Variants in ZC4H2 observed in about 807,000 individuals in gnomAD.
ZC4H2 encodes the protein zinc finger C4H2 domain-containing protein.
For synonymous variants in ZC4H2, 84 were observed against 66.3 expected, an observed-to-expected ratio of 1.27 and a Z score of -1.30; for missense variants, 137 against 173.9, an observed-to-expected ratio of 0.79 and a Z score of 1.19.
chrX:65,030,543 ATTAT>A (rs1427349540), intron 1 of ZC4H2, among the ~76,000 whole-genome samples: 1 of 112,166 alleles, frequency 8.9e-6, no homozygotes, highest in Non-Finnish European at 1.9e-5. Context: ...ATTTATGTAA[ATTAT>A]TTATTAACTT....
At chrX:64,926,927 C>T (rs1349635877) in intron 1 of ZC4H2, among the ~76,000 whole-genome samples, 1 of 111,127 alleles carries the variant, frequency 9.0e-6, no homozygotes, top group Non-Finnish European at 1.9e-5. Context: ...AGGACCAATC[C>T]CCTATATACA....
intron 1 of ZC4H2, among the ~76,000 whole-genome samples, chrX:64,947,104 T>C (rs1930570804): frequency 1.8e-5 from 2 of 112,385 alleles, no homozygotes; most frequent in African/African-American, 6.5e-5. Flanking sequence ...ATCATTCAGA[T>C]ATATGTTGTT....
At chrX:64,940,755 A>C (rs1013717851) in intron 1 of ZC4H2, among the ~76,000 whole-genome samples, 4 of 111,261 alleles carry the variant, frequency 3.6e-5, no homozygotes, top group African/African-American at 1.3e-4. Context: ...CCGTTGGTCT[A>C]TATATCTGTT....
chrX:64,975,719 A>G (rs1005973367), intron 1 of ZC4H2, among the ~76,000 whole-genome samples: 1 of 111,285 alleles, frequency 9.0e-6, no homozygotes, highest in Non-Finnish European at 1.9e-5. Context: ...CGATCCCACC[A>G]TCAGCGCAGC....
At chrX:64,968,950 T>G (rs776947964) in intron 1 of ZC4H2, among the ~76,000 whole-genome samples, 1 of 111,770 alleles carries the variant, frequency 8.9e-6, no homozygotes, top group Non-Finnish European at 1.9e-5. Context: ...TGTTGCTGCA[T>G]TTTCAAGAGG....
At chrX:64,964,907 C>T (rs959953891) in intron 1 of ZC4H2, among the ~76,000 whole-genome samples, 3 of 111,562 alleles carry the variant, frequency 2.7e-5, no homozygotes, top group Non-Finnish European at 3.8e-5. Context: ...CAGTATTATG[C>T]GCTCAATTGA....
chrX:65,021,299 A>C (rs1044695229), intron 1 of ZC4H2, among the ~76,000 whole-genome samples: 1 of 111,256 alleles, frequency 9.0e-6, no homozygotes, highest in Non-Finnish European at 1.9e-5. Flanking sequence ...AGAAAATGCA[A>C]AAGAATGGAA....
upstream of ZC4H2, among the ~76,000 whole-genome samples, chrX:64,976,871 C>T (rs1301392765): frequency 7.5e-5 from 7 of 93,794 alleles, no homozygotes; most frequent in African/African-American, 2.8e-4. Flanking sequence ...GCTTTGGAGA[C>T]GTTGAATGTG....
At chrX:64,925,320 C>T (rs1929381791) in intron 1 of ZC4H2, among the ~76,000 whole-genome samples, 1 of 112,080 alleles carries the variant, frequency 8.9e-6, no homozygotes, top group African/African-American at 3.2e-5. Flanking sequence ...ACAATGTTCA[C>T]TATTTGGGTG....
At chrX:64,944,129 T>A (rs1377902667) in intron 1 of ZC4H2, among the ~76,000 whole-genome samples, 1 of 102,955 alleles carries the variant, frequency 9.7e-6, no homozygotes, top group Non-Finnish European at 1.9e-5. Context: ...GGTTAAAATT[T>A]TTTTCTTTTT....
At chrX:64,960,313 T>C (rs986374688) in intron 1 of ZC4H2, among the ~76,000 whole-genome samples, 1 of 109,395 alleles carries the variant, frequency 9.1e-6, no homozygotes, top group Middle Eastern at 4.7e-3. Flanking sequence ...ACCGTTTTAA[T>C]TTTTTTTTAA....
At position 64,975,101 on chromosome X, in the gene ZC4H2, C is replaced by T. The variant is rs781463965; in HGVS notation, c.53+1224G>A. On this transcript the variant is annotated intron_variant, in intron 1 of 4. Coordinates refer to ENST00000374839, the MANE Select transcript of ZC4H2 (RefSeq NM_018684.4). The stretch of plus-strand genomic sequence containing the variant: ...AACAAAATGTGGCAATTTCAAGCTG[C>T]GTGGCTGTGGGAAAATCACTCAAAT... Among the ~76,000 whole-genome samples the T allele has an allele frequency of 9.1e-5, 10 of 110,193 alleles. No individual in the cohort carries two copies. In the South Asian group the frequency reaches 1.6e-3, roughly 17 times the overall value.
At chrX:64,976,287 T>A (rs752525048) in intron 1 of ZC4H2, 38 bp downstream of exon 1, 44 of 1,188,596 alleles carry the variant, frequency 3.7e-5, no homozygotes, top group Non-Finnish European at 5.0e-5. Flanking sequence ...CAACGAAGGG[T>A]TGGAGAGGGG....
intron 4 of ZC4H2, 129 bp downstream of exon 4, chrX:64,918,913 G>A: frequency 4.7e-6 from 4 of 852,601 alleles, no homozygotes; most frequent in Non-Finnish European, 6.4e-6. Context: ...CCCTTCCACT[G>A]TGTCACAAGC....
intron 1 of ZC4H2, among the ~76,000 whole-genome samples, chrX:65,015,908 A>C (rs1932794215): frequency 9.1e-6 from 1 of 110,452 alleles, no homozygotes; most frequent in African/African-American, 3.3e-5. Flanking sequence ...ATAGTTTCAA[A>C]CACATTCCCC....
chrX:65,011,114 CA>C (rs931447640), intron 1 of ZC4H2, among the ~76,000 whole-genome samples: 14 of 110,028 alleles, frequency 1.3e-4, no homozygotes, highest in Admixed American at 3.9e-4. Flanking sequence ...AACAAACAAA[CA>C]AAAAAAAACT....
chrX:64,939,342 T>C (rs1930159536), intron 1 of ZC4H2, among the ~76,000 whole-genome samples: 1 of 111,645 alleles, frequency 9.0e-6, no homozygotes, highest in African/African-American at 3.3e-5. Flanking sequence ...AGAATCAGTA[T>C]CGTAAAAATT....
Position 64,929,169 on chromosome X carries a change from A to G in ZC4H2, c.54-7181T>C, listed in dbSNP as rs4827432. ...TGGACTCCCAAAGTTGTGGGACTAC[A>G]GGCGTGAGTCACTGCACCTGCCCCT... is the stretch of plus-strand genomic sequence containing the variant. On this transcript the variant is annotated intron_variant, in intron 1 of 4. Coordinates refer to ENST00000374839, the MANE Select transcript of ZC4H2 (RefSeq NM_018684.4). 8.3e-3 allele frequency among the ~76,000 whole-genome samples: 919 copies of G among 111,184 alleles called. 35 individuals carry two copies. Among genetic ancestry groups the G allele is most frequent in the Admixed American group, 0.073 (755 of 10,381 alleles).
At chrX:64,956,493 A>G (rs768331747) in intron 1 of ZC4H2, among the ~76,000 whole-genome samples, 1 of 111,505 alleles carries the variant, frequency 9.0e-6, no homozygotes, top group East Asian at 2.8e-4. Flanking sequence ...AAAATATGCA[A>G]CCATGAACAC....
Sources: allele counts gnomAD v4.1 joint callset (sites outside exome capture counted in the v4.1 genomes callset), GRCh38; gene constraint gnomAD v4.1.1; transcripts MANE v1.5; gene names NCBI Gene and HGNC (gene_info 2026-07-23, HGNC 2026-07-21).